The following TBC1D8 variants were observed in gnomAD, a reference collection of about 807,000 sequenced individuals.
TBC1D8 encodes the protein BUB2-like protein 1.
Under a neutral mutation model 118.8 loss-of-function variants are expected in TBC1D8, and 65 were observed. The observed-to-expected ratio is 0.55, with a 90% CI of 0.45 to 0.67. TBC1D8 has a LOEUF of 0.67. Among genes scored for constraint, TBC1D8 ranks in the 30% least tolerant of loss-of-function variants. TBC1D8 has a pLI of 0.00. For synonymous variants in TBC1D8, 566 were observed against 595.8 expected, an observed-to-expected ratio of 0.95 and a Z score of 0.73; for missense variants, 1,376 against 1,471.2, an observed-to-expected ratio of 0.94 and a Z score of 1.06.
intron 1 of TBC1D8, among the ~76,000 whole-genome samples, chr2:101,106,286 G>A (rs1228618049): frequency 6.6e-6 from 1 of 152,194 alleles, no homozygotes; most frequent in Non-Finnish European, 1.5e-5. Flanking sequence ...TGTGATTGTG[G>A]ATGCATGACA....
rs181569394 is a variant in TBC1D8 at position 101,103,929 on chromosome 2, C to T, written c.128-13565G>A. Among the ~76,000 whole-genome samples the T allele has an allele frequency of 1.7e-3, 258 of 152,124 alleles. 2 individuals carry two copies. The highest frequency in any genetic ancestry group is 3.9e-3 in the East Asian group (20 of 5,170). ...CAAAACTTTGTTCACAGATGATATG[C>T]TTGTCTTTGTAGAAATATCTCAGAG... is the stretch of plus-strand genomic sequence containing the variant. On this transcript the variant is annotated intron_variant, in intron 1 of 19. Coordinates refer to ENST00000409318, the MANE Select transcript of TBC1D8 (RefSeq NM_001330348.2).
chr2:101,021,725 A>G lies in TBC1D8; in HGVS notation c.2783T>C (p.Met928Thr). The change falls in exon 17 of 20, where the codon ATG (methionine) becomes ACG (threonine). Residue 928 changes from methionine to threonine, a missense_variant. Physicochemically the swap from Met to Thr is moderately conservative, Grantham distance 81 (BLOSUM62 -1). Transcript: ENST00000409318. The stretch of plus-strand genomic sequence containing the variant: ...GTATAATAGTTTAATCTTCTCATTC[A>G]TTTCTCCATTATACATAATATCTGC... ...SCLDIMYNGE[M>T]NEKIKLLYRL... is the part of the protein sequence containing the mutation. The G allele has an allele frequency of 6.3e-7, 1 of 1,591,534 alleles. No homozygotes were observed. The highest frequency in any genetic ancestry group is 8.6e-7 in the Non-Finnish European group (1 of 1,165,752).
chr2:101,143,599 G>A (rs550333099), intron 1 of TBC1D8, among the ~76,000 whole-genome samples: 1 of 152,208 alleles, frequency 6.6e-6, no homozygotes, highest in Non-Finnish European at 1.5e-5. Context: ...TCACTCCAAT[G>A]TCCAGGCGGG....
Position 101,038,639 on chromosome 2 carries a change from T to A in TBC1D8, c.1097A>T (p.Lys366Met). Residue 366 changes from lysine to methionine, a missense_variant, in exon 7 of 20, where the codon AAG (lysine) becomes ATG (methionine). Lys to Met is a moderately conservative substitution (Grantham distance 95). Coordinates refer to ENST00000409318, the MANE Select transcript of TBC1D8 (RefSeq NM_001330348.2). ...CGGCAGCAGGCTCGTGTCCTCCATC[T>A]TCTCGATGCTCACCACCTGCGCGAG... ...LPLREVVSIE[K>M]MEDTSLLPHP... 6.2e-7 allele frequency: 1 copy of A among 1,613,990 alleles called. No individual in the cohort carries two copies. The highest frequency in any genetic ancestry group is 8.5e-7 in the Non-Finnish European group (1 of 1,179,958).
At chr2:101,079,161 G>T (rs1292084004) in intron 2 of TBC1D8, among the ~76,000 whole-genome samples, 1 of 152,034 alleles carries the variant, frequency 6.6e-6, no homozygotes, top group Non-Finnish European at 1.5e-5. Context: ...AAAGTCATTT[G>T]CCAGTCATCT....
chr2:101,007,896 C>T lies in TBC1D8; in HGVS notation c.3393G>A (p.Lys1131=), dbSNP rs767912748. The part of the protein sequence containing the change: ...LDMKSKLENA[K]INQYNLKTFE... Reference sequence around the variant, plus strand: ...AAGTTTTGAGATTGTACTGATTGATCTTGGCATTTTCAAGTTTGGATTTCA... The same window carrying T: ...AAGTTTTGAGATTGTACTGATTGATTTTGGCATTTTCAAGTTTGGATTTCA... Residue 1131 remains lysine, a synonymous_variant, in exon 20 of 20, where the codon AAG becomes AAA. Coordinates refer to ENST00000409318, the MANE Select transcript of TBC1D8 (RefSeq NM_001330348.2). 6.2e-7 allele frequency: 1 copy of T among 1,614,024 alleles called. No homozygotes were observed. Among genetic ancestry groups the T allele is most frequent in the Non-Finnish European group, 8.5e-7 (1 of 1,179,886 alleles).
intron 3 of TBC1D8, 105 bp from the exon 4 acceptor site, chr2:101,054,441 A>T: frequency 1.8e-6 from 2 of 1,139,200 alleles, no homozygotes; most frequent in Non-Finnish European, 2.5e-6. Flanking sequence ...GGCCCCCGAG[A>T]AGTGTGCGCT....
Position 101,024,501 on chromosome 2 carries a change from G to C in TBC1D8, c.2521-1980C>G, listed in dbSNP as rs528008594. ...GGCTCACTGCAACCTCTGCCTCCCA[G>C]GTTCAAGCAATTCTCCTGCCTCAGC... is the stretch of plus-strand genomic sequence containing the variant. On this transcript the variant is annotated intron_variant, in intron 15 of 19. Coordinates refer to ENST00000409318, the MANE Select transcript of TBC1D8 (RefSeq NM_001330348.2). 5.4e-5 allele frequency among the ~76,000 whole-genome samples: 8 copies of C among 148,670 alleles called. 1 individual carries two copies. Among genetic ancestry groups the C allele is most frequent in the South Asian group, 2.1e-4 (1 of 4,740 alleles).
chr2:101,089,958 G>A (rs1211647659), intron 2 of TBC1D8, among the ~76,000 whole-genome samples: 1 of 148,720 alleles, frequency 6.7e-6, no homozygotes, highest in African/African-American at 2.5e-5. Flanking sequence ...GGAGGGGAAA[G>A]CAAGGGTTGA....
chr2:101,040,126 T>C, intron 6 of TBC1D8, 52 bp downstream of exon 6: 1 of 1,581,998 alleles, frequency 6.3e-7, no homozygotes. Flanking sequence ...AGCAACCTTG[T>C]GTTCAAACAA....
At chr2:101,116,941 G>A (rs868047295) in intron 1 of TBC1D8, among the ~76,000 whole-genome samples, 14 of 151,992 alleles carry the variant, frequency 9.2e-5, no homozygotes, top group Non-Finnish European at 1.5e-4. Flanking sequence ...ATGCCCAGCC[G>A]AGAAGTGAAA....
rs553601657 is a variant in TBC1D8, at chr2:101,125,475, T to C, written c.127+25652A>G. 2.7e-4 allele frequency among the ~76,000 whole-genome samples: 41 copies of C among 152,306 alleles called. 1 individual carries two copies. The highest frequency in any genetic ancestry group is 1.3e-4 in the Non-Finnish European group (9 of 68,032). ...GAAATTTTATTTCCACAAAGCACAG[T>C]ATAGTGTAATCTATTAGAATGTCAC... On this transcript the variant is annotated intron_variant, in intron 1 of 19. Transcript: ENST00000409318.
At chr2:101,051,899 A>G (rs949035311) in intron 4 of TBC1D8, among the ~76,000 whole-genome samples, 4 of 152,244 alleles carry the variant, frequency 2.6e-5, no homozygotes, top group African/African-American at 9.6e-5. Flanking sequence ...AAGAGCACAG[A>G]CCACTTGCCA....
At chr2:101,091,325 A>G (rs1411843215) in intron 1 of TBC1D8, among the ~76,000 whole-genome samples, 1 of 152,204 alleles carries the variant, frequency 6.6e-6, no homozygotes, top group Admixed American at 6.5e-5. Flanking sequence ...AAAGTCTTTT[A>G]CAGACCATAA....
In TBC1D8 at chr2:101,011,013, A is replaced by T; in HGVS notation, c.2931T>A (p.Asp977Glu). ...TCATCTGCTTCAGCTGTTTCTGATA[A>T]TCAACTGCATCACCTTGAAACAAAG... is the stretch of plus-strand genomic sequence containing the variant. ...VFGKPNGDAVDYQKQLKQMIK... is the reference protein window; with the variant it reads ...VFGKPNGDAVEYQKQLKQMIK... Residue 977 changes from aspartate (D) to glutamate (E), a missense_variant, in exon 19 of 20, where the codon GAT (aspartate) becomes GAA (glutamate). Transcript: ENST00000409318. 6.2e-7 allele frequency: 1 copy of T among 1,612,462 alleles called. No individual in the cohort carries two copies. Among genetic ancestry groups the T allele is most frequent in the Non-Finnish European group, 8.5e-7 (1 of 1,179,800 alleles).
intron 2 of TBC1D8, 107 bp downstream of exon 2, chr2:101,090,102 G>T (rs544268234): frequency 1.6e-6 from 2 of 1,239,890 alleles, no homozygotes; most frequent in East Asian, 2.6e-5. Flanking sequence ...CCTGAAAGCA[G>T]ATGAGGGAGT....
intron 19 of TBC1D8, among the ~76,000 whole-genome samples, chr2:101,010,211 A>G (rs1191887958): frequency 6.6e-6 from 1 of 152,100 alleles, no homozygotes; most frequent in Non-Finnish European, 1.5e-5. Context: ...ATATGGCACA[A>G]CCCTTTTCTG....
chr2:101,056,610 A>T lies in TBC1D8; in HGVS notation c.403-2274T>A, dbSNP rs191643653. Among the ~76,000 whole-genome samples, 323 of 152,280 alleles carry T rather than the reference A, an allele frequency of 2.1e-3. 1 individual carries two copies. The highest frequency in any genetic ancestry group is 7.5e-3 in the African/African-American group (311 of 41,566). On this transcript the variant is annotated intron_variant, in intron 3 of 19. Transcript: ENST00000409318. Reference sequence around the variant, plus strand: ...TCATTTAACAAGACATTATACATTAATGAAGTTCTAGTTAAGAGAGATGAG... The same window carrying T: ...TCATTTAACAAGACATTATACATTATTGAAGTTCTAGTTAAGAGAGATGAG...
intron 18 of TBC1D8, 133 bp from the exon 19 acceptor site, chr2:101,011,159 A>G: frequency 1.1e-6 from 1 of 881,458 alleles, no homozygotes; most frequent in Non-Finnish European, 1.7e-6. Context: ...ACTGGAAAGC[A>G]AGAGATTCCC....
Sources: allele counts gnomAD v4.1 joint callset (sites outside exome capture counted in the v4.1 genomes callset), GRCh38; gene constraint gnomAD v4.1.1; transcripts MANE v1.5; gene names NCBI Gene and HGNC (gene_info 2026-07-23, HGNC 2026-07-21).